Variants in ADK observed in about 807,000 individuals in gnomAD.
ADK encodes the protein adenosine kinase, also known as N6,N6-dimethyladenosine kinase.
A neutral mutation model predicts 44.7 loss-of-function variants in ADK; 24 were observed. The ratio of observed to expected loss-of-function variants is 0.54; its 90% CI spans 0.39 to 0.76. ADK has a LOEUF of 0.76. Ranked by LOEUF, ADK falls within the 30% of genes least tolerant of loss-of-function variation. The pLI is 0.00. For synonymous variants in ADK, 128 were observed against 142.6 expected (o/e 0.90, Z 0.73); for missense variants, 321 against 425.1 (o/e 0.76, Z 2.15).
At chr10:74,179,559 GCATGCTAAAATACACTCCCACCAGTGC>G (rs1271122686) in intron 1 of ADK, among the ~76,000 whole-genome samples, 2 of 152,110 alleles carry the variant, frequency 1.3e-5, no homozygotes, top group East Asian at 3.8e-4. Context: ...TAATGTATTA[GCATGCTAAAATACACTCCCACCAGTGC>G]CATTGACAGT....
At chr10:74,205,522 A>G (rs1273319598) in intron 2 of ADK, among the ~76,000 whole-genome samples, 1 of 152,054 alleles carries the variant, frequency 6.6e-6, no homozygotes, top group Non-Finnish European at 1.5e-5. Context: ...TTAAAAATAC[A>G]AAAATTAACT....
At position 74,162,519 on chromosome 10, in the gene ADK, TTTTGTG is replaced by T. The variant is rs1490887747; in HGVS notation, c.65+11178_65+11183del. Among the ~76,000 whole-genome samples the T allele has an allele frequency of 3.4e-5, 4 of 117,970 alleles. No homozygotes were observed. In the South Asian group the frequency reaches 1.2e-3, roughly 35 times the overall value. The allele number at this position is 117,970 out of a possible 152,430, so 77.4% of individuals were successfully genotyped here. On this transcript the variant is annotated intron_variant, in intron 1 of 10. Coordinates refer to ENST00000539909, the MANE Select transcript of ADK (RefSeq NM_006721.4). ...AGAAAGGTACTCCCGATTGCATTTCTTTTGTGTGTGTGTGTGTGTGTGTGTGTGTGT... is the reference window on the plus strand; with the variant it reads ...AGAAAGGTACTCCCGATTGCATTTCTTGTGTGTGTGTGTGTGTGTGTGTGT...
intron 6 of ADK, among the ~76,000 whole-genome samples, chr10:74,483,975 A>T (rs938465207): frequency 1.3e-5 from 2 of 151,992 alleles, no homozygotes; most frequent in East Asian, 3.9e-4. Flanking sequence ...AGCCCTCCAA[A>T]CTGTTTCAAC....
intron 6 of ADK, among the ~76,000 whole-genome samples, chr10:74,458,632 C>T (rs1846047076): frequency 6.6e-6 from 1 of 152,090 alleles, no homozygotes; most frequent in African/African-American, 2.4e-5. Context: ...CCCTATATTT[C>T]TAGTAAAGTA....
chr10:74,194,254 A>T (rs1054886879), intron 1 of ADK, among the ~76,000 whole-genome samples: 1 of 152,214 alleles, frequency 6.6e-6, no homozygotes, highest in Non-Finnish European at 1.5e-5. Flanking sequence ...TTATTCAAAG[A>T]ACAGTAAGGC....
At chr10:74,430,319 A>G (rs1564717470) in intron 6 of ADK, among the ~76,000 whole-genome samples, 1 of 152,194 alleles carries the variant, frequency 6.6e-6, no homozygotes, top group Admixed American at 6.5e-5. Flanking sequence ...AAGGCTCCAA[A>G]TATATCTGTC....
chr10:74,588,072 CA>C (rs1851590982), intron 7 of ADK, among the ~76,000 whole-genome samples: 2 of 151,924 alleles, frequency 1.3e-5, no homozygotes, highest in African/African-American at 4.8e-5. Flanking sequence ...AAATTTCAAA[CA>C]AAAAAGGAGA....
chr10:74,502,420 TA>T (rs2133454299), intron 6 of ADK, among the ~76,000 whole-genome samples: 1 of 152,238 alleles, frequency 6.6e-6, no homozygotes, highest in Non-Finnish European at 1.5e-5. Flanking sequence ...AGAAGAGGTT[TA>T]TTCCCTGCAG....
intron 9 of ADK, among the ~76,000 whole-genome samples, chr10:74,608,131 T>C (rs558455293): frequency 4.9e-4 from 74 of 152,052 alleles, no homozygotes; most frequent in African/African-American, 1.8e-3. Context: ...GCAATTCCTC[T>C]AACCTTTTTT....
At chr10:74,270,720 G>A (rs1370607390) in intron 3 of ADK, among the ~76,000 whole-genome samples, 3 of 152,186 alleles carry the variant, frequency 2.0e-5, no homozygotes, top group African/African-American at 7.2e-5. Context: ...TAGAGTCTGG[G>A]CATCAATATT....
intron 1 of ADK, among the ~76,000 whole-genome samples, chr10:74,184,525 GT>G (rs2132094383): frequency 6.7e-6 from 1 of 148,868 alleles, no homozygotes; most frequent in South Asian, 2.1e-4. Context: ...GTGTGTGTGT[GT>G]GTGTGTGTGT....
At chr10:74,406,495 A>C (rs1843929894) in intron 6 of ADK, among the ~76,000 whole-genome samples, 1 of 141,696 alleles carries the variant, frequency 7.1e-6, no homozygotes, top group African/African-American at 2.6e-5. Context: ...TACCTTTGGG[A>C]CTCCGATTAA....
In ADK at chr10:74,395,928, T is replaced by C. The variant is rs541160185; in HGVS notation, c.446+1615T>C. ...CGGGAGACGAAAGTAGGAGAATTGC[T>C]TGAACCTAGGAGGTGGAGGTTGCAG... On this transcript the variant is annotated intron_variant, in intron 5 of 10. Transcript: ENST00000539909. Among the ~76,000 whole-genome samples the C allele has an allele frequency of 1.3e-3, 191 of 152,234 alleles. 7 individuals carry two copies. The South Asian group carries it at 0.039, about 31-fold the overall frequency.
At chr10:74,607,298 G>A (rs770197533) in intron 9 of ADK, among the ~76,000 whole-genome samples, 16 of 152,226 alleles carry the variant, frequency 1.1e-4, no homozygotes, top group East Asian at 3.9e-4. Flanking sequence ...TATTTTGCCC[G>A]TTAGTTGATG....
intron 6 of ADK, among the ~76,000 whole-genome samples, chr10:74,515,432 T>C (rs1050396373): frequency 6.6e-6 from 1 of 152,212 alleles, no homozygotes; most frequent in Non-Finnish European, 1.5e-5. Flanking sequence ...GCTGTTACTC[T>C]GACCAGAAAT....
At chr10:74,392,266 T>G (rs1843361833) in intron 4 of ADK, among the ~76,000 whole-genome samples, 1 of 152,194 alleles carries the variant, frequency 6.6e-6, no homozygotes, top group Non-Finnish European at 1.5e-5. Flanking sequence ...TGTACCATGT[T>G]ACATTTCCAC....
At chr10:74,168,395 C>T (rs773941164) in intron 1 of ADK, among the ~76,000 whole-genome samples, 2 of 151,582 alleles carry the variant, frequency 1.3e-5, no homozygotes, top group African/African-American at 2.4e-5. Flanking sequence ...AAAAAATTAG[C>T]GGGGCATGGT....
intron 4 of ADK, among the ~76,000 whole-genome samples, chr10:74,383,144 A>AATG (rs1455196672): frequency 6.6e-6 from 1 of 152,122 alleles, no homozygotes; most frequent in Non-Finnish European, 1.5e-5. Flanking sequence ...TAATAATAAT[A>AATG]ATAATTAAAA....
intron 4 of ADK, among the ~76,000 whole-genome samples, chr10:74,338,277 C>G (rs1440447404): frequency 6.6e-6 from 1 of 152,122 alleles, no homozygotes; most frequent in Admixed American, 6.6e-5. Flanking sequence ...AAAGTAAAAA[C>G]TGGTGAGAAT....
Sources: allele counts gnomAD v4.1 joint callset (sites outside exome capture counted in the v4.1 genomes callset), GRCh38; gene constraint gnomAD v4.1.1; transcripts MANE v1.5; gene names NCBI Gene and HGNC (gene_info 2026-07-23, HGNC 2026-07-21).